Variants in GJA9 observed in about 807,000 individuals in gnomAD.
GJA9 encodes gap junction alpha-9 protein.
GJA9 carries 1 observed loss-of-function variant against 0.4 expected under a neutral mutation model. That is an observed-to-expected ratio of 2.50 (90% CI 0.89 to 11.88). The LOEUF is 11.88. Among genes scored for constraint, GJA9 ranks in the 30% most tolerant of loss-of-function variants. The pLI is 0.12. For missense variants in GJA9, 550 were observed against 602.8 expected (o/e 0.91, Z 0.92); for synonymous variants, 190 against 219.1 (o/e 0.87, Z 1.17).
chr1:38,877,865 A>T lies in GJA9; in HGVS notation c.-95-1672T>A, dbSNP rs1008456417. On this transcript the variant is annotated intron_variant, in intron 1 of 1. Coordinates refer to ENST00000357771, the MANE Select transcript of GJA9 (RefSeq NM_030772.5). ...ACGAATATGCTTCATTTGATAATTC[A>T]GTAAGATATGGCATTCAGTGAAACC... Among the ~76,000 whole-genome samples, 8 of 152,214 alleles carry T rather than the reference A, an allele frequency of 5.3e-5. No individual in the cohort carries two copies. The South Asian group carries it at 1.0e-3, about 20-fold the overall frequency.
At position 38,875,573 on chromosome 1, in the gene GJA9, A is replaced by C; in HGVS notation, c.526T>G (p.Tyr176Asp). The stretch of plus-strand genomic sequence containing the variant: ...TCTAAGTGAAATCCATATAAAAGGT[A>C]CTGTCCAATCATGAATCCAACTTCA... Reference protein sequence around the residue: ...VVEVGFMIGQYLLYGFHLEPL... With the variant: ...VVEVGFMIGQDLLYGFHLEPL... Residue 176 changes from tyrosine to aspartate, a missense_variant, in exon 2 of 2, where the codon TAC becomes GAC. Transcript: ENST00000357771. 6.2e-7 allele frequency: 1 copy of C among 1,614,222 alleles called. No homozygotes were observed. The highest frequency in any genetic ancestry group is 2.2e-5 in the East Asian group (1 of 44,894).
rs754443751 is a variant in GJA9 at position 38,874,534 on chromosome 1, TA to T, written c.*16del. On this transcript the variant is annotated 3_prime_UTR_variant, in exon 2 of 2. Coordinates refer to ENST00000357771, the MANE Select transcript of GJA9 (RefSeq NM_030772.5). Reference sequence around the variant, plus strand: ...CTTCTCTGATAATATATATAATGTCTAAAAGCCAACCGCTGTTTAGATCTGA... The same window carrying T: ...CTTCTCTGATAATATATATAATGTCTAAAGCCAACCGCTGTTTAGATCTGA... The T allele has an allele frequency of 4.4e-6, 7 of 1,597,534 alleles. No individual in the cohort carries two copies. The African/African-American group carries it at 8.1e-5, about 18-fold the overall frequency.
At position 38,875,373 on chromosome 1, in the gene GJA9, A is replaced by C. The variant is rs1642565520; in HGVS notation, c.726T>G (p.Leu242=). ...HLGFKKIKRG[L]WGKYKLKKEH... ...CCTTCTTCAACTTGTATTTTCCCCA[A>C]AGCCCTCTTTTAATCTTTTTAAAAC... Residue 242 remains leucine (L), a synonymous_variant, in exon 2 of 2, where the codon CTT becomes CTG. Transcript: ENST00000357771. 3 of 1,614,062 alleles carry C rather than the reference A, an allele frequency of 1.9e-6. No homozygotes were observed. The highest frequency in any genetic ancestry group is 2.2e-5 in the East Asian group (1 of 44,878).
Position 38,874,757 on chromosome 1 carries a change from T to A in GJA9, c.1342A>T (p.Arg448Ter). The change falls in exon 2 of 2, where the codon AGA becomes TGA. Residue 448 changes from arginine (R) to a stop codon, truncating the protein, a stop_gained. Transcript: ENST00000357771. LOFTEE classifies it low-confidence loss of function (END_TRUNC). ...GGAAGGGTTCTGACTGTGCCCTTTC[T>A]GAACTGGCCCTTGAGGTTACCTTTA... ...PPKGNLKGQF[R>*]KGTVRTLPPS... 1 of 1,614,236 alleles carries A rather than the reference T, an allele frequency of 6.2e-7. No homozygotes were observed. Among genetic ancestry groups the A allele is most frequent in the African/African-American group, 1.3e-5 (1 of 75,058 alleles).
chr1:38,876,954 T>A (rs1642598175), intron 1 of GJA9, among the ~76,000 whole-genome samples: 1 of 150,806 alleles, frequency 6.6e-6, no homozygotes, highest in African/African-American at 2.4e-5. Context: ...GATCAAACCC[T>A]TGACCTCAGA....
intron 1 of GJA9, among the ~76,000 whole-genome samples, chr1:38,878,354 C>T (rs925504198): frequency 6.6e-6 from 1 of 151,694 alleles, no homozygotes; most frequent in African/African-American, 2.4e-5. Context: ...TAAGCCACCG[C>T]GCCCAGCCCA....
chr1:38,875,444 C>T lies in GJA9; in HGVS notation c.655G>A (p.Ala219Thr). ...TIFLLFMQSI[A>T]TISLFLNILE... ...ATGTTTAAGAAAAGTGAAATAGTGG[C>T]TATAGATTGCATAAATAATAGGAAT... is the stretch of plus-strand genomic sequence containing the variant. The change falls in exon 2 of 2, where the codon GCC becomes ACC. Residue 219 changes from alanine (A) to threonine (T), a missense_variant. Ala to Thr is a moderately conservative substitution (Grantham distance 58, BLOSUM62 0). Transcript: ENST00000357771. 1 of 1,614,044 alleles carries T rather than the reference C, an allele frequency of 6.2e-7. No homozygotes were observed. The highest frequency in any genetic ancestry group is 8.5e-7 in the Non-Finnish European group (1 of 1,179,940).
chr1:38,875,372 A>T lies in GJA9; in HGVS notation c.727T>A (p.Trp243Arg). The change falls in exon 2 of 2, where the codon TGG becomes AGG. Residue 243 changes from tryptophan to arginine, a missense_variant. Coordinates refer to ENST00000357771, the MANE Select transcript of GJA9 (RefSeq NM_030772.5). ...TCCTTCTTCAACTTGTATTTTCCCC[A>T]AAGCCCTCTTTTAATCTTTTTAAAA... Reference protein sequence around the residue: ...LGFKKIKRGLWGKYKLKKEHN... With the variant: ...LGFKKIKRGLRGKYKLKKEHN... The T allele has an allele frequency of 6.2e-7, 1 of 1,614,102 alleles. No homozygotes were observed. The highest frequency in any genetic ancestry group is 8.5e-7 in the Non-Finnish European group (1 of 1,180,012).
In GJA9 at chr1:38,875,089, C is replaced by G; in HGVS notation, c.1010G>C (p.Ser337Thr). 5 of 1,614,094 alleles carry G rather than the reference C, an allele frequency of 3.1e-6. No individual in the cohort carries two copies. Among genetic ancestry groups the G allele is most frequent in the Non-Finnish European group, 4.2e-6 (5 of 1,180,012 alleles). Reference protein sequence around the residue: ...TVLSNEISTLSTSCSHFQHIS... With the variant: ...TVLSNEISTLTTSCSHFQHIS... ...GTGTTGAAAATGACTACAACTAGTA[C>G]TAAGTGTGGAAATCTCATTAGAAAG... The change falls in exon 2 of 2, where the codon AGT (serine) becomes ACT (threonine). Residue 337 changes from serine (S) to threonine (T), a missense_variant. Transcript: ENST00000357771.
At chr1:38,877,757 A>G (rs1031145048) in intron 1 of GJA9, among the ~76,000 whole-genome samples, 1 of 152,152 alleles carries the variant, frequency 6.6e-6, no homozygotes, top group Admixed American at 6.5e-5. Flanking sequence ...TCAGCCTCCC[A>G]AAGTGCCAGG....
chr1:38,880,169 G>A (rs147092754), intron 1 of GJA9, among the ~76,000 whole-genome samples: 3,035 of 145,906 alleles, frequency 0.021, 98 homozygotes, highest in African/African-American at 0.072. Flanking sequence ...TTAGGAGGCC[G>A]AGGCCAGCGG....
In GJA9 at chr1:38,875,361, G is replaced by A. The variant is rs557619697; in HGVS notation, c.738C>T (p.Tyr246=). Reference sequence around the variant, plus strand: ...ATTCATTATGTTCCTTCTTCAACTTGTATTTTCCCCAAAGCCCTCTTTTAA... The same window carrying A: ...ATTCATTATGTTCCTTCTTCAACTTATATTTTCCCCAAAGCCCTCTTTTAA... ...KKIKRGLWGK[Y]KLKKEHNEFH... The change falls in exon 2 of 2, where the codon TAC becomes TAT. Residue 246 remains tyrosine, a synonymous_variant. Coordinates refer to ENST00000357771, the MANE Select transcript of GJA9 (RefSeq NM_030772.5). The A allele has an allele frequency of 5.6e-6, 9 of 1,614,044 alleles. No homozygotes were observed. Among genetic ancestry groups the A allele is most frequent in the Non-Finnish European group, 7.6e-6 (9 of 1,179,992 alleles).
intron 1 of GJA9, among the ~76,000 whole-genome samples, chr1:38,877,287 C>T (rs935584975): frequency 2.0e-5 from 3 of 151,952 alleles, no homozygotes; most frequent in African/African-American, 7.2e-5. Flanking sequence ...GATCTGCCCA[C>T]CTCGGCCTCC....
chr1:38,880,323 G>C (rs1330408813), intron 1 of GJA9, among the ~76,000 whole-genome samples: 1 of 148,638 alleles, frequency 6.7e-6, no homozygotes, highest in East Asian at 2.0e-4. Context: ...AGAATCACTT[G>C]AACCCAGAGG....
Position 38,875,937 on chromosome 1 carries a change from G to T in GJA9, c.162C>A (p.Cys54Ter), listed in dbSNP as rs764198005. 6.2e-7 allele frequency: 1 copy of T among 1,614,054 alleles called. No homozygotes were observed. The highest frequency in any genetic ancestry group is 1.3e-5 in the African/African-American group (1 of 74,934). ...TTCTGCAGCCTGGTTGTTCTGTATT[G>T]CAGATGAAGCCAGACTGCTCATCAT... ...VWNDEQSGFI[C>*]NTEQPGCRNV... The change falls in exon 2 of 2, where the codon TGC becomes TGA. Residue 54 changes from cysteine to a stop codon, truncating the protein, a stop_gained. Coordinates refer to ENST00000357771, the MANE Select transcript of GJA9 (RefSeq NM_030772.5). LOFTEE classifies it low-confidence loss of function (END_TRUNC).
intron 1 of GJA9, among the ~76,000 whole-genome samples, chr1:38,879,061 T>C (rs1642645283): frequency 6.6e-6 from 1 of 152,082 alleles, no homozygotes; most frequent in Admixed American, 6.5e-5. Context: ...ATTATAGATA[T>C]TACTTGCAAT....
chr1:38,877,675 T>A (rs545362319), intron 1 of GJA9, among the ~76,000 whole-genome samples: 74 of 152,122 alleles, frequency 4.9e-4, no homozygotes, highest in Non-Finnish European at 4.4e-5. Context: ...ATTTTTTGTA[T>A]TTTAGTAGAC....
chr1:38,878,953 G>A (rs866038600), intron 1 of GJA9, among the ~76,000 whole-genome samples: 1 of 151,910 alleles, frequency 6.6e-6, no homozygotes. Flanking sequence ...GGCTAGTTTC[G>A]AACTCCCAAC....
At position 38,874,630 on chromosome 1, in the gene GJA9, G is replaced by A. The variant is rs1156274921; in HGVS notation, c.1469C>T (p.Pro490Leu). 6.2e-7 allele frequency: 1 copy of A among 1,614,076 alleles called. No individual in the cohort carries two copies. Among genetic ancestry groups the A allele is most frequent in the Non-Finnish European group, 8.5e-7 (1 of 1,180,038 alleles). ...CACTACGTGATTTGGAGGACAAACA[G>A]GATTATTACAGGTTCTGACCAACCC... ...EPGLVRTCNN[P>L]VCPPNHVVSL... The change falls in exon 2 of 2, where the codon CCT (proline) becomes CTT (leucine). Residue 490 changes from proline to leucine, a missense_variant. Coordinates refer to ENST00000357771, the MANE Select transcript of GJA9 (RefSeq NM_030772.5).
Sources: gnomAD v4.1 joint callset for allele counts (sites outside exome capture counted in the v4.1 genomes callset) on GRCh38, gnomAD v4.1.1 for gene constraint, MANE v1.5 for transcripts, NCBI Gene and HGNC (gene_info 2026-07-23, HGNC 2026-07-21) for gene names.